MAGI1: variants seen among roughly 807,000 people sequenced by gnomAD.
MAGI1 encodes membrane associated guanylate kinase, WW and PDZ domain containing 1.
MAGI1 carries 58 observed loss-of-function variants against 139.9 expected under a neutral mutation model. The observed-to-expected ratio is 0.41, with a 90% CI of 0.34 to 0.52. MAGI1 has a LOEUF of 0.52. Ranked by LOEUF, MAGI1 falls within the 20% of genes least tolerant of loss-of-function variation. MAGI1 has a pLI of 0.12. For synonymous variants in MAGI1, 812 were observed against 737.9 expected (o/e 1.10, Z -1.63); for missense variants, 1,874 against 1,901.6 (o/e 0.99, Z 0.27).
chr3:65,995,382 A>C (rs1015604207), intron 1 of MAGI1, among the ~76,000 whole-genome samples: 1 of 152,214 alleles, frequency 6.6e-6, no homozygotes, highest in African/African-American at 2.4e-5. Context: ...CCAATGCAGG[A>C]GAGCCAAGAA....
chr3:65,791,926 A>G (rs2039800594), intron 1 of MAGI1, among the ~76,000 whole-genome samples: 1 of 152,150 alleles, frequency 6.6e-6, no homozygotes, highest in Admixed American at 6.5e-5. Flanking sequence ...AGCCCCATCC[A>G]AATCCTTTTA....
chr3:65,827,610 G>A (rs1361434747), intron 1 of MAGI1, among the ~76,000 whole-genome samples: 1 of 152,078 alleles, frequency 6.6e-6, no homozygotes, highest in African/African-American at 2.4e-5. Flanking sequence ...AAACGCCTTG[G>A]ACCTAGGATG....
intron 4 of MAGI1, among the ~76,000 whole-genome samples, chr3:65,476,597 A>G (rs539217222): frequency 3.1e-4 from 47 of 152,318 alleles, no homozygotes; most frequent in African/African-American, 1.1e-3. Flanking sequence ...CAAAAAATCT[A>G]TTTAATAAAT....
At chr3:65,765,893 A>G (rs968158767) in intron 1 of MAGI1, among the ~76,000 whole-genome samples, 3 of 152,162 alleles carry the variant, frequency 2.0e-5, no homozygotes, top group Non-Finnish European at 4.4e-5. Flanking sequence ...TATCTGCCTA[A>G]ATTTTTAAAA....
rs79642320 is a variant in MAGI1, at chr3:65,685,311, TA to T, written c.314-63224del. The stretch of plus-strand genomic sequence containing the variant: ...GCACATGCTTGTATATTTCTTCATT[TA>T]AAAAAAAAAAAAAGATTAGGAGAAA... On this transcript the variant is annotated intron_variant, in intron 1 of 22. Transcript: ENST00000402939. 8.5e-3 allele frequency among the ~76,000 whole-genome samples: 1,213 copies of T among 143,192 alleles called. 1 individual carries two copies. The highest frequency in any genetic ancestry group is 0.013 in the African/African-American group (508 of 39,620). The allele number at this position is 143,192 out of a possible 152,430, so 93.9% of individuals were successfully genotyped here.
At chr3:65,772,021 T>C (rs1443413056) in intron 1 of MAGI1, among the ~76,000 whole-genome samples, 1 of 152,090 alleles carries the variant, frequency 6.6e-6, no homozygotes, top group Non-Finnish European at 1.5e-5. Context: ...GCCAAGATGG[T>C]GAAACCCTGT....
chr3:65,822,170 G>A (rs2041984092), intron 1 of MAGI1, among the ~76,000 whole-genome samples: 1 of 151,998 alleles, frequency 6.6e-6, no homozygotes, highest in South Asian at 2.1e-4. Flanking sequence ...AGAGAGATGA[G>A]GAAGGTCAGG....
intron 22 of MAGI1, chr3:65,359,864 A>G: frequency 4.1e-6 from 4 of 985,320 alleles, no homozygotes; most frequent in Non-Finnish European, 4.8e-6. Flanking sequence ...TGACTCTCAA[A>G]TGAAATATCA....
intron 1 of MAGI1, among the ~76,000 whole-genome samples, chr3:66,032,034 C>T (rs1199404072): frequency 6.6e-6 from 1 of 152,134 alleles, no homozygotes; most frequent in East Asian, 1.9e-4. Flanking sequence ...ACACAGAAAG[C>T]CTGCTAATTG....
At chr3:65,475,260 C>A (rs1950823899) in intron 4 of MAGI1, among the ~76,000 whole-genome samples, 1 of 152,162 alleles carries the variant, frequency 6.6e-6, no homozygotes, top group Non-Finnish European at 1.5e-5. Flanking sequence ...GTCACCCAGG[C>A]TGGAGTACAA....
At chr3:65,803,164 T>G (rs1327209636) in intron 1 of MAGI1, among the ~76,000 whole-genome samples, 1 of 152,166 alleles carries the variant, frequency 6.6e-6, no homozygotes, top group African/African-American at 2.4e-5. Flanking sequence ...TTTTTTTAAC[T>G]AGAGTTAGCA....
intron 2 of MAGI1, among the ~76,000 whole-genome samples, chr3:65,538,553 T>C (rs890626614): frequency 2.0e-5 from 3 of 152,208 alleles, no homozygotes; most frequent in African/African-American, 7.2e-5. Flanking sequence ...AACTGCAATA[T>C]ACCAAAGCTC....
intron 1 of MAGI1, among the ~76,000 whole-genome samples, chr3:65,901,615 A>G (rs550738513): frequency 2.6e-5 from 4 of 152,334 alleles, no homozygotes; most frequent in Admixed American, 1.3e-4. Flanking sequence ...TTTTTTCCCT[A>G]TTGAAAATAT....
At chr3:65,805,637 G>T (rs56080410) in intron 1 of MAGI1, among the ~76,000 whole-genome samples, 1 of 152,068 alleles carries the variant, frequency 6.6e-6, no homozygotes, top group South Asian at 2.1e-4. Context: ...GTACATGCAC[G>T]TGTATGTTCA....
chr3:65,881,095 A>G (rs770112122), intron 1 of MAGI1, among the ~76,000 whole-genome samples: 5 of 152,024 alleles, frequency 3.3e-5, no homozygotes, highest in African/African-American at 4.8e-5. Flanking sequence ...CATGTTGCCT[A>G]GGCTGGTCTT....
At chr3:65,720,635 G>A (rs1057057376) in intron 1 of MAGI1, among the ~76,000 whole-genome samples, 58 of 152,228 alleles carry the variant, frequency 3.8e-4, no homozygotes, top group African/African-American at 1.2e-3. Flanking sequence ...CAAGAAACAC[G>A]TAAAGCTTCC....
At chr3:65,982,757 G>A (rs2065655764) in intron 1 of MAGI1, among the ~76,000 whole-genome samples, 1 of 152,180 alleles carries the variant, frequency 6.6e-6, no homozygotes, top group East Asian at 1.9e-4. Context: ...TCTAAGCTCA[G>A]TAGGCACCAG....
rs772917639 is a variant in MAGI1, at chr3:65,356,728, G to A, written c.4039C>T (p.Arg1347Ter). ...LERREKHEKRRDVSPERRRER... is the reference protein window; with the variant it reads ...LERREKHEKR ...CGCCTCCGCTCCGGAGAGACGTCTC[G>A]TCTCTTCTCGTGCTTCTCCCTCCTC... The change falls in exon 23 of 23, where the codon CGA becomes TGA. Residue 1347 changes from arginine to a stop codon, truncating the protein, a stop_gained. Transcript: ENST00000402939. LOFTEE classifies it low-confidence loss of function (END_TRUNC). 6.3e-7 allele frequency: 1 copy of A among 1,593,674 alleles called. No individual in the cohort carries two copies. The highest frequency in any genetic ancestry group is 8.5e-7 in the Non-Finnish European group (1 of 1,170,712).
At chr3:65,922,315 T>C (rs1242533014) in intron 1 of MAGI1, among the ~76,000 whole-genome samples, 1 of 152,186 alleles carries the variant, frequency 6.6e-6, no homozygotes. Flanking sequence ...TGTGACCCTA[T>C]TTAGAAATAG....
Sources: allele counts gnomAD v4.1 joint callset (sites outside exome capture counted in the v4.1 genomes callset), GRCh38; gene constraint gnomAD v4.1.1; transcripts MANE v1.5; gene names NCBI Gene and HGNC (gene_info 2026-07-23, HGNC 2026-07-21).